Variants in TOMM7 observed in about 807,000 individuals in gnomAD.
The protein encoded by TOMM7 is translocase of outer mitochondrial membrane 7.
In TOMM7, 8 loss-of-function variants were observed where a neutral mutation model predicts 9.5. The observed-to-expected ratio is 0.84, with a 90% CI of 0.49 to 1.51. The LOEUF (loss-of-function observed/expected upper bound fraction) is 1.51, where lower values mean the gene tolerates loss of function less well. Among genes scored for constraint, TOMM7 ranks in the 40% most tolerant of loss-of-function variants. The probability of loss-of-function intolerance (pLI) is 0.00; values close to 1 mark genes in which losing one functional copy is unlikely to be tolerated. For synonymous variants in TOMM7, 27 were observed against 21.4 expected, an observed-to-expected ratio of 1.26 and a Z score of -0.72; for missense variants, 74 against 63.7, an observed-to-expected ratio of 1.16 and a Z score of -0.55.
At chr7:22,813,802 TC>T (rs1470526061) in intron 2 of TOMM7, among the ~76,000 whole-genome samples, 1 of 146,288 alleles carries the variant, frequency 6.8e-6, no homozygotes, top group Non-Finnish European at 1.5e-5. Flanking sequence ...ATTTGCTGAC[TC>T]CAATAGAGTG....
intron 2 of TOMM7, among the ~76,000 whole-genome samples, chr7:22,815,653 C>T (rs1028018117): frequency 6.6e-6 from 1 of 152,096 alleles, no homozygotes; most frequent in Non-Finnish European, 1.5e-5. Context: ...AATATAGTTA[C>T]AAGCATAATA....
At position 22,818,121 on chromosome 7, in the gene TOMM7, T is replaced by A. The variant is rs192906615; in HGVS notation, c.104-73A>T. 10 of 1,442,938 alleles carry A rather than the reference T, an allele frequency of 6.9e-6. No individual in the cohort carries two copies. In the African/African-American group the frequency reaches 1.1e-4, roughly 16 times the overall value. The allele number at this position is 1,442,938 out of a possible 1,614,324, so 89.4% of individuals were successfully genotyped here. A position where few individuals can be genotyped will look rare whatever the true frequency, so the allele number is the denominator to read the frequency against. ...CAGACAAAACATTTACAATCAAGAC[T>A]TTTTCTTCTTTGTAATCCAACCTAG... On this transcript the variant is annotated intron_variant, in intron 1 of 2. Coordinates refer to ENST00000358435, the MANE Select transcript of TOMM7 (RefSeq NM_019059.5).
intron 1 of TOMM7, among the ~76,000 whole-genome samples, chr7:22,821,841 C>T (rs147823771): frequency 5.1e-4 from 78 of 152,146 alleles, no homozygotes; most frequent in African/African-American, 1.1e-3. Context: ...TTAACAAATC[C>T]TTGCAGTAAG....
At chr7:22,817,479 G>C in intron 2 of TOMM7, 1 of 232,682 alleles carries the variant, frequency 4.3e-6, no homozygotes, top group South Asian at 5.0e-5. Context: ...CTAGCTTCAA[G>C]CAATCCTCCC....
intron 1 of TOMM7, chr7:22,822,124 A>C: frequency 6.5e-7 from 1 of 1,548,736 alleles, no homozygotes; most frequent in South Asian, 1.2e-5. Context: ...CGACCTTGGC[A>C]AAAAAGTTTC....
At chr7:22,816,991 T>C (rs2128182216) in intron 2 of TOMM7, among the ~76,000 whole-genome samples, 1 of 152,090 alleles carries the variant, frequency 6.6e-6, no homozygotes, top group Admixed American at 6.5e-5. Context: ...TGGCTTCGAG[T>C]AAAAGTTCGA....
In TOMM7 at chr7:22,813,151, CAGA is replaced by C; in HGVS notation, c.*16_*18del. ...GCTGTCCGCTGATTGCCTCCAAATC[CAGA>C]AGACCAAATAATCCTTTATCCCCAA... On this transcript the variant is annotated 3_prime_UTR_variant, in exon 3 of 3. Coordinates refer to ENST00000358435, the MANE Select transcript of TOMM7 (RefSeq NM_019059.5). 1 of 1,613,736 alleles carries C rather than the reference CAGA, an allele frequency of 6.2e-7. No homozygotes were observed.
At chr7:22,815,426 T>C (rs1782305502) in intron 2 of TOMM7, among the ~76,000 whole-genome samples, 1 of 151,694 alleles carries the variant, frequency 6.6e-6, no homozygotes, top group Non-Finnish European at 1.5e-5. Context: ...CCAGGTGCTG[T>C]GGCTCATGCT....
intron 1 of TOMM7, among the ~76,000 whole-genome samples, chr7:22,819,826 C>T (rs1782363830): frequency 6.6e-6 from 1 of 152,192 alleles, no homozygotes; most frequent in African/African-American, 2.4e-5. Context: ...TGCAGAAATG[C>T]AAGACACCAT....
chr7:22,819,374 T>G (rs1008728561), intron 1 of TOMM7, among the ~76,000 whole-genome samples: 1 of 69,302 alleles, frequency 1.4e-5, no homozygotes, highest in Non-Finnish European at 2.5e-5. Context: ...AAAACACTAT[T>G]CTTTTTTTTT....
chr7:22,821,266 C>T (rs1224299143), intron 1 of TOMM7, among the ~76,000 whole-genome samples: 1 of 151,882 alleles, frequency 6.6e-6, no homozygotes, highest in Non-Finnish European at 1.5e-5. Flanking sequence ...AAAATATTAG[C>T]CCGGCATGGT....
In TOMM7 at chr7:22,820,749, A is replaced by G. The variant is rs114123876; in HGVS notation, c.103+1928T>C. 6.6e-3 allele frequency among the ~76,000 whole-genome samples: 1,010 copies of G among 152,330 alleles called. 10 individuals carry two copies. Among genetic ancestry groups the G allele is most frequent in the African/African-American group, 0.023 (948 of 41,570 alleles). ...AATAGTGGGGACAACACCAACTGTC[A>G]TATTTACTCTAATCCTTGGTACCCA... On this transcript the variant is annotated intron_variant, in intron 1 of 2. Transcript: ENST00000358435.
intron 1 of TOMM7, among the ~76,000 whole-genome samples, chr7:22,821,403 C>G (rs1392234802): frequency 1.5e-5 from 1 of 67,106 alleles, no homozygotes; most frequent in Non-Finnish European, 2.7e-5. Context: ...CAGACCCCGT[C>G]TCAAAAAAAA....
intron 2 of TOMM7, among the ~76,000 whole-genome samples, chr7:22,815,692 A>T (rs1239914666): frequency 1.3e-5 from 2 of 152,082 alleles, no homozygotes; most frequent in African/African-American, 4.8e-5. Flanking sequence ...ATACAAAAGG[A>T]TACTATGGGG....
At chr7:22,822,296 C>T in intron 1 of TOMM7, 2 of 1,545,216 alleles carry the variant, frequency 1.3e-6, no homozygotes, top group South Asian at 2.4e-5. Flanking sequence ...CTGAACAGGA[C>T]TCTTTCCACT....
intron 1 of TOMM7, 84 bp downstream of exon 1, chr7:22,822,593 C>T (rs1398457489): frequency 2.4e-6 from 3 of 1,231,964 alleles, no homozygotes; most frequent in African/African-American, 1.5e-5. Flanking sequence ...ATTTTTCTCT[C>T]CCTCCCCCGA....
Position 22,812,994 on chromosome 7 carries a change from C to A in TOMM7, c.*176G>T. 3.2e-6 allele frequency: 2 copies of A among 629,370 alleles called. No individual in the cohort carries two copies. Among genetic ancestry groups the A allele is most frequent in the Non-Finnish European group, 5.8e-6 (2 of 347,706 alleles). The allele number at this position is 629,370 out of a possible 1,614,324, so 39.0% of individuals were successfully genotyped here. ...CATAACACTGTTAAAAACATTTATT[C>A]TGATACATTCTATCATAAGTTAGTA... On this transcript the variant is annotated 3_prime_UTR_variant, in exon 3 of 3. Coordinates refer to ENST00000358435, the MANE Select transcript of TOMM7 (RefSeq NM_019059.5).
intron 1 of TOMM7, among the ~76,000 whole-genome samples, chr7:22,819,700 T>C (rs1190649991): frequency 1.3e-5 from 2 of 151,664 alleles, no homozygotes; most frequent in African/African-American, 2.4e-5. Flanking sequence ...TATAATGGCC[T>C]GTAAGCATGT....
At chr7:22,816,199 G>A (rs1357044652) in intron 2 of TOMM7, among the ~76,000 whole-genome samples, 1 of 152,146 alleles carries the variant, frequency 6.6e-6, no homozygotes, top group African/African-American at 2.4e-5. Flanking sequence ...CAATGCTCAT[G>A]GCTACCTTAT....
Sources: gnomAD v4.1 joint callset for allele counts (sites outside exome capture counted in the v4.1 genomes callset) on GRCh38, gnomAD v4.1.1 for gene constraint, MANE v1.5 for transcripts, NCBI Gene and HGNC (gene_info 2026-07-23, HGNC 2026-07-21) for gene names.